The following TBC1D22A variants were observed in gnomAD, a reference collection of about 807,000 sequenced individuals.
TBC1D22A encodes TBC1 domain family member 22A, also known as putative GTPase activator.
TBC1D22A carries 38 observed loss-of-function variants against 60.2 expected under a neutral mutation model. The ratio of observed to expected loss-of-function variants is 0.63; its 90% confidence interval spans 0.49 to 0.83. TBC1D22A has a LOEUF of 0.83. TBC1D22A is among the 40% of genes least tolerant of loss of function. The pLI, the probability that TBC1D22A is intolerant of heterozygous loss-of-function variation, is 0.00. For synonymous variants in TBC1D22A, 302 were observed against 281.7 expected, an observed-to-expected ratio of 1.07 and a Z score of -0.72; for missense variants, 628 against 701.0, an observed-to-expected ratio of 0.90 and a Z score of 1.18.
rs186646004 is a variant in TBC1D22A at position 46,865,803 on chromosome 22, G to A, written c.638-12850G>A. On this transcript the variant is annotated intron_variant, in intron 4 of 12. Coordinates refer to ENST00000337137, the MANE Select transcript of TBC1D22A (RefSeq NM_014346.5). ...TTTTGCTTACTCTTTGTTCTGGGGCGTAAAGATACTATTGAAAATGCCAAA... is the reference window on the plus strand; with the variant it reads ...TTTTGCTTACTCTTTGTTCTGGGGCATAAAGATACTATTGAAAATGCCAAA... Among the ~76,000 whole-genome samples, 55 of 152,294 alleles carry A rather than the reference G, an allele frequency of 3.6e-4. 1 individual carries two copies. The East Asian group carries it at 7.7e-3, about 21-fold the overall frequency.
intron 12 of TBC1D22A, among the ~76,000 whole-genome samples, chr22:47,145,526 A>G (rs2067256781): frequency 6.6e-6 from 1 of 152,232 alleles, no homozygotes; most frequent in African/African-American, 2.4e-5. Flanking sequence ...CCTTTAAGAC[A>G]TGATATTACA....
Position 47,174,143 on chromosome 22 carries a change from G to T in TBC1D22A, c.*517G>T. On this transcript the variant is annotated 3_prime_UTR_variant, in exon 13 of 13. Coordinates refer to ENST00000337137, the MANE Select transcript of TBC1D22A (RefSeq NM_014346.5). ...TGTGCCGCGAGGTCCCCTCACAGCT[G>T]TATTTCACTGCTGCTGGCCCTTTCC... 6.5e-6 allele frequency: 1 copy of T among 153,970 alleles called. No homozygotes were observed. The highest frequency in any genetic ancestry group is 1.5e-5 in the Non-Finnish European group (1 of 68,912). 9.5% of individuals were successfully genotyped at this position (153,970 alleles called of 1,614,324 possible).
At chr22:46,950,913 T>C (rs943763958) in intron 8 of TBC1D22A, among the ~76,000 whole-genome samples, 2 of 152,196 alleles carry the variant, frequency 1.3e-5, no homozygotes, top group African/African-American at 4.8e-5. Context: ...CTAGAGAAGT[T>C]CCTTATAAAT....
At position 46,849,542 on chromosome 22, in the gene TBC1D22A, C is replaced by T. The variant is rs2087174714; in HGVS notation, c.638-29111C>T. On this transcript the variant is annotated intron_variant, in intron 4 of 12. Transcript: ENST00000337137. Reference sequence around the variant, plus strand: ...CCTGTCCTGGGCTGGACAGGTGACTCAGATTCATCTGTCTTTTTACTCTCA... The same window carrying T: ...CCTGTCCTGGGCTGGACAGGTGACTTAGATTCATCTGTCTTTTTACTCTCA... Among the ~76,000 whole-genome samples, 4 of 152,150 alleles carry T rather than the reference C, an allele frequency of 2.6e-5. No homozygotes were observed. In the South Asian group the frequency reaches 8.3e-4, roughly 31 times the overall value.
intron 8 of TBC1D22A, among the ~76,000 whole-genome samples, chr22:46,945,717 C>G (rs1286201398): frequency 6.6e-6 from 1 of 152,170 alleles, no homozygotes; most frequent in East Asian, 1.9e-4. Flanking sequence ...CCCTGGTTAC[C>G]CTCTGTCAGG....
chr22:46,858,410 G>A (rs1008265279), intron 4 of TBC1D22A, among the ~76,000 whole-genome samples: 4 of 152,204 alleles, frequency 2.6e-5, no homozygotes, highest in African/African-American at 9.7e-5. Context: ...GGAGGCAGCC[G>A]ACAGCAGGCA....
chr22:47,029,714 C>T lies in TBC1D22A; in HGVS notation c.1202-7357C>T, dbSNP rs116046826. 9.3e-3 allele frequency among the ~76,000 whole-genome samples: 1,422 copies of T among 152,348 alleles called. 17 individuals are homozygous for T. Among genetic ancestry groups the T allele is most frequent in the African/African-American group, 0.031 (1,306 of 41,584 alleles). On this transcript the variant is annotated intron_variant, in intron 10 of 12. Coordinates refer to ENST00000337137, the MANE Select transcript of TBC1D22A (RefSeq NM_014346.5). Reference sequence around the variant, plus strand: ...GGATTTGCCAGCGAGTGTCCTGTGCCGGGAAAGTGGAGCTGTGGGTCCATG... The same window carrying T: ...GGATTTGCCAGCGAGTGTCCTGTGCTGGGAAAGTGGAGCTGTGGGTCCATG...
At chr22:46,954,478 A>G (rs1224679897) in intron 8 of TBC1D22A, among the ~76,000 whole-genome samples, 1 of 152,184 alleles carries the variant, frequency 6.6e-6, no homozygotes, top group Non-Finnish European at 1.5e-5. Flanking sequence ...GGCATAGCAC[A>G]CACTCGAGCA....
intron 10 of TBC1D22A, among the ~76,000 whole-genome samples, chr22:47,014,106 G>A (rs2061833056): frequency 6.6e-6 from 1 of 152,324 alleles, no homozygotes; most frequent in East Asian, 1.9e-4. Flanking sequence ...TCCCCGCCAT[G>A]CCCCTCTTTG....
At chr22:47,039,560 A>G (rs964413417) in intron 11 of TBC1D22A, among the ~76,000 whole-genome samples, 5 of 152,088 alleles carry the variant, frequency 3.3e-5, no homozygotes, top group African/African-American at 1.2e-4. Context: ...ACTAGATAGT[A>G]TATAAAAATG....
At position 46,990,100 on chromosome 22, in the gene TBC1D22A, G is replaced by A. The variant is rs1346947430; in HGVS notation, c.1126-7534G>A. Among the ~76,000 whole-genome samples the A allele has an allele frequency of 6.6e-6, 1 of 152,176 alleles. No individual in the cohort carries two copies. On this transcript the variant is annotated intron_variant, in intron 9 of 12. Transcript: ENST00000337137. This position sits in a 1 kb window ranked among gnomAD's most constrained non-coding sequence, Gnocchi z 4.6. The stretch of plus-strand genomic sequence containing the variant: ...ATTACAGATGTGCGCCACCGCGCCC[G>A]GCCGCAAAATGTAAGTTTTATTTAA...
At chr22:46,872,290 G>GT (rs2067325546) in intron 4 of TBC1D22A, among the ~76,000 whole-genome samples, 1 of 152,064 alleles carries the variant, frequency 6.6e-6, no homozygotes, top group African/African-American at 2.4e-5. Flanking sequence ...AAAGAGAGGA[G>GT]TAGTAAACAC....
In TBC1D22A at chr22:47,028,091, G is replaced by C. The variant is rs890459011; in HGVS notation, c.1202-8980G>C. On this transcript the variant is annotated intron_variant, in intron 10 of 12. Transcript: ENST00000337137. The surrounding 1 kb of genome is among the most constrained non-coding windows in gnomAD (Gnocchi z 4.4). ...GGTGTGCTGAGTAGCTCGTGTGCAC[G>C]TCTGTGAGGTGAAAATGATTTAATA... is the stretch of plus-strand genomic sequence containing the variant. 6.6e-6 allele frequency among the ~76,000 whole-genome samples: 1 copy of C among 152,180 alleles called. No homozygotes were observed. Among genetic ancestry groups the C allele is most frequent in the African/African-American group, 2.4e-5 (1 of 41,440 alleles).
intron 4 of TBC1D22A, among the ~76,000 whole-genome samples, chr22:46,874,852 GCGTGAGC>G (rs1469748658): frequency 3.9e-5 from 6 of 152,150 alleles, no homozygotes; most frequent in African/African-American, 1.2e-4. Flanking sequence ...AGGATTACAG[GCGTGAGC>G]CACTGCACCT....
At chr22:47,039,704 GAAAAAAAA>G (rs34793078) in intron 11 of TBC1D22A, among the ~76,000 whole-genome samples, 1 of 81,458 alleles carries the variant, frequency 1.2e-5, no homozygotes, top group Non-Finnish European at 2.2e-5. Context: ...TGCATTTCAG[GAAAAAAAA>G]AAAAAAAAAA....
intron 12 of TBC1D22A, among the ~76,000 whole-genome samples, chr22:47,120,556 C>T (rs1016543135): frequency 1.3e-5 from 2 of 152,240 alleles, no homozygotes; most frequent in African/African-American, 4.8e-5. Context: ...GACCAGGTCC[C>T]CAGTGTAAGC....
chr22:46,945,933 C>T (rs2072510683), intron 8 of TBC1D22A, among the ~76,000 whole-genome samples: 1 of 152,222 alleles, frequency 6.6e-6, no homozygotes, highest in Non-Finnish European at 1.5e-5. Context: ...CTCAATGCTG[C>T]AGAACTGGGA....
At chr22:47,019,995 T>G (rs750664566) in intron 10 of TBC1D22A, among the ~76,000 whole-genome samples, 37 of 145,294 alleles carry the variant, frequency 2.5e-4, no homozygotes, top group Admixed American at 1.4e-3. Flanking sequence ...CATCCTCCCC[T>G]CTCCCTTAAC....
At chr22:46,992,384 C>T (rs2074977976) in intron 9 of TBC1D22A, among the ~76,000 whole-genome samples, 1 of 152,260 alleles carries the variant, frequency 6.6e-6, no homozygotes, top group Non-Finnish European at 1.5e-5. Context: ...CATGCGGACA[C>T]TCTCTGCTTG....
Sources: allele counts gnomAD v4.1 joint callset (sites outside exome capture counted in the v4.1 genomes callset), GRCh38; gene constraint gnomAD v4.1.1; non-coding constraint Gnocchi (gnomAD v3.1); transcripts MANE v1.5; gene names NCBI Gene and HGNC (gene_info 2026-07-23, HGNC 2026-07-21).